PIK3R4: variants seen among roughly 807,000 people sequenced by gnomAD.
PIK3R4 encodes phosphoinositide-3-kinase regulatory subunit 4, also known as phosphoinositide 3-kinase regulatory subunit 4.
A neutral mutation model predicts 136.5 loss-of-function variants in PIK3R4; 46 were observed. That is an observed-to-expected ratio of 0.34 (90% CI 0.27 to 0.43). The LOEUF (loss-of-function observed/expected upper bound fraction) is 0.43, where lower values mean the gene tolerates loss of function less well. PIK3R4 is among the 20% of genes least tolerant of loss of function. The pLI, the probability that PIK3R4 is intolerant of heterozygous loss-of-function variation, is 1.00. For synonymous variants in PIK3R4, 557 were observed against 566.7 expected (o/e 0.98, Z 0.24); for missense variants, 1,331 against 1,649.5 (o/e 0.81, Z 3.35).
rs143789219 is a variant in PIK3R4 at position 130,739,681 on chromosome 3, A to G, written c.734-3679T>C. ...GCCACCACACCAAGCATATTTGCAC[A>G]TCTTAAAACTCTTCCCACAGGTTAT... On this transcript the variant is annotated intron_variant, in intron 2 of 19. Coordinates refer to ENST00000356763, the MANE Select transcript of PIK3R4 (RefSeq NM_014602.3). 2.9e-3 allele frequency among the ~76,000 whole-genome samples: 444 copies of G among 152,288 alleles called. 2 individuals are homozygous for G. The highest frequency in any genetic ancestry group is 9.7e-3 in the African/African-American group (404 of 41,552).
At chr3:130,695,800 T>TACTATCCGAGGTTTGGG (rs2066542814) in intron 13 of PIK3R4, among the ~76,000 whole-genome samples, 1 of 152,178 alleles carries the variant, frequency 6.6e-6, no homozygotes, top group African/African-American at 2.4e-5. Context: ...TAAGGTTTGG[T>TACTATCCGAGGTTTGGG]ACTATCCGAG....
intron 13 of PIK3R4, among the ~76,000 whole-genome samples, 187 bp from the exon 14 acceptor site, chr3:130,690,841 A>C (rs903589976): frequency 6.6e-6 from 1 of 151,952 alleles, no homozygotes; most frequent in Non-Finnish European, 1.5e-5. Flanking sequence ...CGATATTTTC[A>C]AATGGCCATC....
intron 13 of PIK3R4, 87 bp from the exon 14 acceptor site, chr3:130,690,741 T>C: frequency 1.3e-6 from 1 of 747,920 alleles, no homozygotes. Flanking sequence ...AGCAAAATTA[T>C]TACTTTGGGG....
chr3:130,686,202 T>G lies in PIK3R4; in HGVS notation c.3475+9A>C, dbSNP rs1431138379. ...CAAAACCCAGCCAATGACTTGAAAG[T>G]TAGCTTACCAATGCAGAGCCAGCAT... is the stretch of plus-strand genomic sequence containing the variant. On this transcript the variant is annotated intron_variant, in intron 15 of 19. Transcript: ENST00000356763. 5 of 1,588,574 alleles carry G rather than the reference T, an allele frequency of 3.1e-6. No individual in the cohort carries two copies. The highest frequency in any genetic ancestry group is 3.5e-6 in the Non-Finnish European group (4 of 1,157,280).
Position 130,726,296 on chromosome 3 carries a change from G to GA in PIK3R4, c.1807+2166dup, listed in dbSNP as rs145314786. The stretch of plus-strand genomic sequence containing the variant: ...AGAAAATGCTTAAAGTATGTTATTA[G>GA]AAAAAGTTTAAGAAATAATAAAATT... On this transcript the variant is annotated intron_variant, in intron 6 of 19. Transcript: ENST00000356763. Among the ~76,000 whole-genome samples the GA allele has an allele frequency of 9.2e-3, 1,402 of 152,054 alleles. 20 individuals are homozygous for GA. Among genetic ancestry groups the GA allele is most frequent in the East Asian group, 0.052 (272 of 5,186 alleles).
intron 4 of PIK3R4, among the ~76,000 whole-genome samples, chr3:130,731,040 T>C (rs1220457177): frequency 6.6e-6 from 1 of 152,358 alleles, no homozygotes; most frequent in East Asian, 1.9e-4. Flanking sequence ...GTTGTCTATA[T>C]CTTCTCCTTT....
At chr3:130,728,027 A>C (rs934700009) in intron 6 of PIK3R4, among the ~76,000 whole-genome samples, 10 of 152,134 alleles carry the variant, frequency 6.6e-5, no homozygotes, top group African/African-American at 2.4e-4. Flanking sequence ...TTGATTTTCA[A>C]CCATGATTAT....
At chr3:130,735,789 A>G in intron 3 of PIK3R4, 80 bp downstream of exon 3, 5 of 1,293,836 alleles carry the variant, frequency 3.9e-6, no homozygotes, top group Non-Finnish European at 5.3e-6. Context: ...AATTTACAAC[A>G]TTCCAGAAAT....
intron 6 of PIK3R4, among the ~76,000 whole-genome samples, chr3:130,724,277 G>C (rs1479038516): frequency 2.0e-5 from 3 of 152,068 alleles, no homozygotes; most frequent in Non-Finnish European, 1.5e-5. Context: ...AATTGCTCAA[G>C]AAAATCACAG....
Position 130,690,583 on chromosome 3 carries a change from A to G in PIK3R4, c.3170T>C (p.Leu1057Ser). 1 of 1,611,678 alleles carries G rather than the reference A, an allele frequency of 6.2e-7. No homozygotes were observed. Residue 1057 changes from leucine to serine, a missense_variant, in exon 14 of 20, where the codon TTA (leucine) becomes TCA (serine). Physicochemically the swap from Leu to Ser is moderately radical, Grantham distance 145. Coordinates refer to ENST00000356763, the MANE Select transcript of PIK3R4 (RefSeq NM_014602.3). Reference protein sequence around the residue: ...TLTFCQGSHYLAIASDNGAVQ... With the variant: ...TLTFCQGSHYSAIASDNGAVQ... Reference sequence around the variant, plus strand: ...AGCACCATTATCAGATGCTATGGCTAAATAGTGGGAGCCTTGGCAGAATGT... The same window carrying G: ...AGCACCATTATCAGATGCTATGGCTGAATAGTGGGAGCCTTGGCAGAATGT...
chr3:130,708,959 T>C (rs946613735), intron 9 of PIK3R4, among the ~76,000 whole-genome samples: 1 of 152,148 alleles, frequency 6.6e-6, no homozygotes. Context: ...AAAGGCATTC[T>C]ACGATATATA....
At chr3:130,721,083 C>G (rs1281289449) in intron 7 of PIK3R4, among the ~76,000 whole-genome samples, 1 of 151,852 alleles carries the variant, frequency 6.6e-6, no homozygotes, top group Non-Finnish European at 1.5e-5. Context: ...CGCCTGTAAT[C>G]CCAGCACTTT....
chr3:130,712,193 T>C (rs957098720), intron 9 of PIK3R4, among the ~76,000 whole-genome samples: 4 of 152,002 alleles, frequency 2.6e-5, no homozygotes, highest in Non-Finnish European at 4.4e-5. Context: ...TATTTTCCCA[T>C]AGAAACAATG....
chr3:130,726,073 T>C (rs2066729798), intron 6 of PIK3R4: 2 of 152,204 alleles, frequency 1.3e-5, no homozygotes, highest in South Asian at 4.1e-4. Context: ...TTTTTACTTC[T>C]ATCCTAAGAA....
intron 12 of PIK3R4, among the ~76,000 whole-genome samples, chr3:130,705,280 C>T (rs1373610078): frequency 1.3e-5 from 2 of 152,126 alleles, no homozygotes; most frequent in Admixed American, 6.5e-5. Flanking sequence ...AGTGGCAAGG[C>T]ATTAAACAGG....
chr3:130,744,420 AC>A, intron 2 of PIK3R4, 65 bp downstream of exon 2: 1 of 1,498,328 alleles, frequency 6.7e-7, no homozygotes, highest in Non-Finnish European at 8.9e-7. Flanking sequence ...AAAAAAAGCC[AC>A]ATTTCTGTTT....
chr3:130,721,950 T>G (rs2066703441), intron 7 of PIK3R4, among the ~76,000 whole-genome samples: 2 of 152,140 alleles, frequency 1.3e-5, no homozygotes, highest in African/African-American at 4.8e-5. Flanking sequence ...TTGATTGCCA[T>G]AATTACTTCA....
intron 3 of PIK3R4, among the ~76,000 whole-genome samples, chr3:130,735,505 C>T (rs2107620356): frequency 6.6e-6 from 1 of 152,290 alleles, no homozygotes; most frequent in South Asian, 2.1e-4. Flanking sequence ...TTGACATTTC[C>T]TGTCCCCTCC....
intron 14 of PIK3R4, among the ~76,000 whole-genome samples, chr3:130,687,981 C>T (rs1475191592): frequency 6.6e-6 from 1 of 152,184 alleles, no homozygotes. Flanking sequence ...TCTAGTTCCT[C>T]TCAATGGCCA....
Sources: gnomAD v4.1 joint callset for allele counts (sites outside exome capture counted in the v4.1 genomes callset) on GRCh38, gnomAD v4.1.1 for gene constraint, MANE v1.5 for transcripts, NCBI Gene and HGNC (gene_info 2026-07-23, HGNC 2026-07-21) for gene names.